The following EPS15 variants were observed in gnomAD, a reference collection of about 807,000 sequenced individuals.
EPS15 encodes epidermal growth factor receptor pathway substrate 15, also known as epidermal growth factor receptor substrate 15.
EPS15 carries 72 observed loss-of-function variants against 113.8 expected under a neutral mutation model. That is an observed-to-expected ratio of 0.63 (90% CI 0.52 to 0.77). The LOEUF (loss-of-function observed/expected upper bound fraction) is 0.77. Ranked by LOEUF, EPS15 falls within the 30% of genes least tolerant of loss-of-function variation. The pLI is 0.00. For missense variants in EPS15, 1,048 were observed against 1,045.8 expected (o/e 1.00, Z -0.03); for synonymous variants, 344 against 363.4 (o/e 0.95, Z 0.61).
At chr1:51,399,751 CG>C (rs1349342324) in intron 19 of EPS15, among the ~76,000 whole-genome samples, 1 of 151,914 alleles carries the variant, frequency 6.6e-6, no homozygotes, top group Non-Finnish European at 1.5e-5. Flanking sequence ...CCTGGCTATT[CG>C]GGAGGCTGAG....
At chr1:51,443,438 C>T (rs991472550) in intron 11 of EPS15, among the ~76,000 whole-genome samples, 5 of 152,010 alleles carry the variant, frequency 3.3e-5, no homozygotes, top group Admixed American at 1.3e-4. Flanking sequence ...GCATCACTTT[C>T]AGCCTTTTCC....
chr1:51,376,407 T>C (rs561877366), intron 21 of EPS15, among the ~76,000 whole-genome samples: 2 of 152,346 alleles, frequency 1.3e-5, no homozygotes, highest in Non-Finnish European at 2.9e-5. Flanking sequence ...CTCACGTCTG[T>C]AATCCCAGTA....
chr1:51,479,361 T>G (rs988422202), intron 2 of EPS15, among the ~76,000 whole-genome samples: 4 of 152,234 alleles, frequency 2.6e-5, no homozygotes, highest in Non-Finnish European at 4.4e-5. Flanking sequence ...CGTCTAATCT[T>G]TTTTCAAGGA....
rs375415316 is a variant in EPS15, at chr1:51,519,257, G to T, written c.-26C>A. The T allele has an allele frequency of 8.8e-7, 1 of 1,137,948 alleles. No homozygotes were observed. The highest frequency in any genetic ancestry group is 1.1e-6 in the Non-Finnish European group (1 of 903,902). The allele number at this position is 1,137,948 out of a possible 1,614,324, so 70.5% of individuals were successfully genotyped here. The stretch of plus-strand genomic sequence containing the variant: ...GGTGTTTCCATCATGCAAGGGAGGG[G>T]AAGGAAGACGGGCTGACTGGGGCTC... On this transcript the variant is annotated 5_prime_UTR_variant, in exon 1 of 25. Transcript: ENST00000371733.
At chr1:51,413,329 T>C (rs941115956) in intron 13 of EPS15, among the ~76,000 whole-genome samples, 2 of 152,246 alleles carry the variant, frequency 1.3e-5, no homozygotes, top group Non-Finnish European at 2.9e-5. Context: ...ACTGTAATCA[T>C]AGCTAACCTC....
At chr1:51,496,314 T>C (rs997003447) in intron 1 of EPS15, among the ~76,000 whole-genome samples, 2 of 152,184 alleles carry the variant, frequency 1.3e-5, no homozygotes, top group Non-Finnish European at 2.9e-5. Flanking sequence ...TTATAATCAA[T>C]GTTACTATTA....
chr1:51,498,811 T>A lies in EPS15; in HGVS notation c.34-17497A>T, dbSNP rs34686780. On this transcript the variant is annotated intron_variant, in intron 1 of 24. Transcript: ENST00000371733. ...AATTTGCCTGTTTTGAATACCTTAT[T>A]GCCACAGTTTGAATGTTTGTGTCCC... is the stretch of plus-strand genomic sequence containing the variant. Among the ~76,000 whole-genome samples, 36 of 152,316 alleles carry A rather than the reference T, an allele frequency of 2.4e-4. 1 individual carries two copies. The highest frequency in any genetic ancestry group is 4.4e-4 in the Non-Finnish European group (30 of 68,018).
intron 1 of EPS15, among the ~76,000 whole-genome samples, chr1:51,484,378 A>G (rs1193549876): frequency 6.6e-6 from 1 of 152,190 alleles, no homozygotes; most frequent in Admixed American, 6.5e-5. Flanking sequence ...TCTAGGCAAC[A>G]CAGCGAGATC....
intron 16 of EPS15, among the ~76,000 whole-genome samples, chr1:51,403,868 C>T (rs1002074459): frequency 1.3e-5 from 2 of 152,220 alleles, no homozygotes; most frequent in Non-Finnish European, 2.9e-5. Flanking sequence ...GTTCCAATTA[C>T]TATAGCAGTC....
intron 24 of EPS15, 35 bp downstream of exon 24, chr1:51,361,136 A>C: frequency 2.6e-6 from 4 of 1,513,568 alleles, no homozygotes; most frequent in Non-Finnish European, 1.8e-6. Context: ...CTCTTTAAAG[A>C]TTTCTCCCCC....
intron 20 of EPS15, among the ~76,000 whole-genome samples, chr1:51,395,525 C>T (rs1055003325): frequency 7.3e-5 from 11 of 150,764 alleles, no homozygotes; most frequent in African/African-American, 1.7e-4. Flanking sequence ...TACACACATA[C>T]ACACACACAC....
chr1:51,461,380 G>A (rs1654430927), intron 7 of EPS15, among the ~76,000 whole-genome samples: 1 of 151,988 alleles, frequency 6.6e-6, no homozygotes, highest in Admixed American at 6.6e-5. Flanking sequence ...AATTAGCTGG[G>A]CATGGTGGCA....
At chr1:51,423,828 A>C (rs1570272250) in intron 12 of EPS15, 5 of 512,536 alleles carry the variant, frequency 9.8e-6, no homozygotes, top group Non-Finnish European at 1.3e-5. Context: ...TCCAAAACAG[A>C]TTACAAAGGA....
intron 5 of EPS15, among the ~76,000 whole-genome samples, chr1:51,465,686 C>T (rs1444262876): frequency 1.3e-5 from 2 of 152,006 alleles, no homozygotes; most frequent in Non-Finnish European, 2.9e-5. Flanking sequence ...GAATGCACCA[C>T]CACACCCAGC....
chr1:51,506,658 C>A (rs1275787503), intron 1 of EPS15, among the ~76,000 whole-genome samples: 1 of 151,614 alleles, frequency 6.6e-6, no homozygotes, highest in Non-Finnish European at 1.5e-5. Flanking sequence ...GAGAGACAAA[C>A]CAGGACATTT....
intron 11 of EPS15, among the ~76,000 whole-genome samples, chr1:51,443,228 T>C (rs938528327): frequency 1.3e-5 from 2 of 152,134 alleles, no homozygotes; most frequent in Non-Finnish European, 2.9e-5. Context: ...AACTTTTAAT[T>C]TGCTTCAGAA....
At position 51,409,538 on chromosome 1, in the gene EPS15, T is replaced by C. The variant is rs969215689; in HGVS notation, c.1272A>G (p.Gln424=). The C allele has an allele frequency of 1.1e-5, 17 of 1,608,516 alleles. No individual in the cohort carries two copies. In the African/African-American group the frequency reaches 1.3e-4, roughly 13 times the overall value. The change falls in exon 14 of 25, where the codon CAA becomes CAG. Residue 424 remains glutamine (Q), a synonymous_variant. Coordinates refer to ENST00000371733, the MANE Select transcript of EPS15 (RefSeq NM_001981.3). ...EVRKKCAEEA[Q]LISSLKAELT... ...GCAGGAAACAGCCAGACATTACCAG[T>C]TGGGCCTCCTCAGCACATTTCTTTC... is the stretch of plus-strand genomic sequence containing the variant.
chr1:51,357,820 A>G (rs1210148924), intron 24 of EPS15, among the ~76,000 whole-genome samples: 1 of 150,924 alleles, frequency 6.6e-6, no homozygotes. Context: ...GCTCACCACA[A>G]CCTCCGCCTC....
rs916942156 is a variant in EPS15 at position 51,461,103 on chromosome 1, A to C, written c.549T>G (p.Asp183Glu). ...DIDHDGMLDRDEFAVAMFLVY... is the reference protein window; with the variant it reads ...DIDHDGMLDREEFAVAMFLVY... ...TTAGATTACTTACAACTGCAAACTC[A>C]TCTCTGTCAAGCATTCCATCATGGT... is the stretch of plus-strand genomic sequence containing the variant. The change falls in exon 8 of 25, where the codon GAT becomes GAG. Residue 183 changes from aspartate (D) to glutamate (E), a missense_variant. By Grantham distance (45) the Asp-to-Glu change is conservative. Coordinates refer to ENST00000371733, the MANE Select transcript of EPS15 (RefSeq NM_001981.3). 6.3e-7 allele frequency: 1 copy of C among 1,599,518 alleles called. No homozygotes were observed. The highest frequency in any genetic ancestry group is 1.3e-5 in the African/African-American group (1 of 74,784).
Sources: gnomAD v4.1 joint callset for allele counts (sites outside exome capture counted in the v4.1 genomes callset) on GRCh38, gnomAD v4.1.1 for gene constraint, MANE v1.5 for transcripts, NCBI Gene and HGNC (gene_info 2026-07-23, HGNC 2026-07-21) for gene names.